WASF3: variants seen among roughly 807,000 people sequenced by gnomAD.
WASF3 encodes actin-binding protein WASF3.
Under a neutral mutation model 46.6 loss-of-function variants are expected in WASF3, and 11 were observed. The ratio of observed to expected loss-of-function variants is 0.24; its 90% confidence interval spans 0.15 to 0.39. The LOEUF (loss-of-function observed/expected upper bound fraction) is 0.39. Ranked by LOEUF, WASF3 falls within the 10% of genes least tolerant of loss-of-function variation. The pLI is 1.00. For synonymous variants in WASF3, 242 were observed against 259.7 expected, an observed-to-expected ratio of 0.93 and a Z score of 0.65; for missense variants, 576 against 669.8, an observed-to-expected ratio of 0.86 and a Z score of 1.55.
intron 2 of WASF3, among the ~76,000 whole-genome samples, chr13:26,632,641 A>G (rs1381242588): frequency 1.3e-5 from 2 of 152,038 alleles, no homozygotes; most frequent in Non-Finnish European, 2.9e-5. Flanking sequence ...CTCTTTGTTT[A>G]TTGTGTCTCT....
intron 2 of WASF3, chr13:26,619,036 C>T (rs952443109): frequency 6.6e-6 from 1 of 152,092 alleles, no homozygotes; most frequent in African/African-American, 2.4e-5. Context: ...TTTAAATGTA[C>T]ATCTTTTTCA....
At chr13:26,555,415 T>A (rs1304946543), upstream of WASF3, among the ~76,000 whole-genome samples, 2 of 152,224 alleles carry the variant, frequency 1.3e-5, no homozygotes, top group African/African-American at 4.8e-5. Context: ...AAAACTCTAA[T>A]ATTCCTCCAG....
At chr13:26,596,104 A>G (rs1195720519) in intron 1 of WASF3, among the ~76,000 whole-genome samples, 2 of 122,818 alleles carry the variant, frequency 1.6e-5, no homozygotes, top group African/African-American at 6.1e-5. Flanking sequence ...AGCAGTGTGT[A>G]AGTGATCCTT....
rs148603085 is a variant in WASF3, at chr13:26,686,158, A to G, written c.*313A>G. 1.4e-4 allele frequency: 39 copies of G among 275,266 alleles called. No individual in the cohort carries two copies. The highest frequency in any genetic ancestry group is 5.5e-4 in the Admixed American group (12 of 21,958). 17.1% of individuals were successfully genotyped at this position (275,266 alleles called of 1,614,324 possible). On this transcript the variant is annotated 3_prime_UTR_variant, in exon 10 of 10. Transcript: ENST00000335327. ...AGTTTGGGTTTACTCTTACTGATCA[A>G]TATAACTCTGCAGACTTGCTGTGTG...
intron 2 of WASF3, among the ~76,000 whole-genome samples, chr13:26,614,105 GA>G (rs1208068362): frequency 6.6e-6 from 1 of 152,096 alleles, no homozygotes; most frequent in Non-Finnish European, 1.5e-5. Context: ...GATAGGGAGA[GA>G]ATAACACGTC....
chr13:26,666,850 C>G (rs1882787638), intron 4 of WASF3, among the ~76,000 whole-genome samples: 1 of 101,362 alleles, frequency 9.9e-6, no homozygotes, highest in Non-Finnish European at 1.8e-5. Context: ...GCCTGGGTTA[C>G]AGAGCAAGAC....
intron 1 of WASF3, among the ~76,000 whole-genome samples, chr13:26,561,752 A>C (rs917113776): frequency 1.3e-5 from 2 of 152,120 alleles, no homozygotes; most frequent in Non-Finnish European, 2.9e-5. Flanking sequence ...TCTAGATTAG[A>C]TTGCACTCCA....
chr13:26,573,904 T>G (rs555766443), intron 1 of WASF3, among the ~76,000 whole-genome samples: 22 of 152,288 alleles, frequency 1.4e-4, no homozygotes, highest in Admixed American at 2.6e-4. Flanking sequence ...TTTACAGAAA[T>G]AAATCATTAT....
intron 1 of WASF3, among the ~76,000 whole-genome samples, chr13:26,562,581 A>C (rs1250574296): frequency 6.6e-6 from 1 of 152,128 alleles, no homozygotes; most frequent in Non-Finnish European, 1.5e-5. Flanking sequence ...GCATGTTTAA[A>C]TGCTGGTAAA....
chr13:26,603,439 A>G (rs1880700196), intron 1 of WASF3, among the ~76,000 whole-genome samples: 1 of 152,236 alleles, frequency 6.6e-6, no homozygotes, highest in South Asian at 2.1e-4. Flanking sequence ...AGGAGGCAAT[A>G]GGAAGTCAGA....
At chr13:26,631,878 C>G (rs142624838) in intron 2 of WASF3, among the ~76,000 whole-genome samples, 3,132 of 152,214 alleles carry the variant, frequency 0.021, 109 homozygotes, top group African/African-American at 0.072. Flanking sequence ...TCCTTGAAGA[C>G]GTCCTTCACG....
chr13:26,661,581 G>T (rs1882632081), intron 3 of WASF3, among the ~76,000 whole-genome samples: 1 of 152,138 alleles, frequency 6.6e-6, no homozygotes, highest in African/African-American at 2.4e-5. Context: ...GTGAACATAG[G>T]TATGCAAATG....
intron 2 of WASF3, among the ~76,000 whole-genome samples, chr13:26,628,351 C>T (rs1881536861): frequency 6.6e-6 from 1 of 152,176 alleles, no homozygotes; most frequent in African/African-American, 2.4e-5. Context: ...CAACCCCCTA[C>T]CCCCACCATG....
intron 3 of WASF3, among the ~76,000 whole-genome samples, chr13:26,661,370 A>G (rs1882626043): frequency 6.6e-6 from 1 of 152,170 alleles, no homozygotes; most frequent in Non-Finnish European, 1.5e-5. Context: ...ATCGTACAGT[A>G]TTTGTCTTTT....
chr13:26,573,767 G>T (rs1279411793), intron 1 of WASF3, among the ~76,000 whole-genome samples: 1 of 152,140 alleles, frequency 6.6e-6, no homozygotes, highest in Non-Finnish European at 1.5e-5. Context: ...ATTCATCCAT[G>T]AAACCAGTAC....
upstream of WASF3, among the ~76,000 whole-genome samples, chr13:26,553,409 G>A (rs551761205): frequency 1.1e-4 from 16 of 151,978 alleles, no homozygotes; most frequent in Admixed American, 9.2e-4. Flanking sequence ...GGCTATGCAC[G>A]GCTCTGCTTG....
intron 1 of WASF3, among the ~76,000 whole-genome samples, chr13:26,558,539 C>G (rs906358705): frequency 6.7e-6 from 1 of 149,880 alleles, no homozygotes; most frequent in African/African-American, 2.4e-5. Context: ...TGGGCTTTAG[C>G]GAGGGCAGAA....
intron 1 of WASF3, 43 bp from the exon 2 acceptor site, chr13:26,612,918 C>G (rs192799714): frequency 2.0e-4 from 30 of 152,224 alleles, no homozygotes; most frequent in African/African-American, 7.2e-4. Flanking sequence ...GACTTGAATG[C>G]ATTTTGCCTA....
At position 26,671,981 on chromosome 13, in the gene WASF3, C is replaced by T; in HGVS notation, c.532C>T (p.Arg178Cys). ...DTEDKRKEKR[R>C]QKEQKRIDGT... ...AGAAGACAAAAGGAAAGAGAAAAGG[C>T]GTCAAAAGGTAAATAATTTCAGTAT... is the stretch of plus-strand genomic sequence containing the variant. The change falls in exon 6 of 10, where the codon CGT becomes TGT. Residue 178 changes from arginine to cysteine, a missense_variant. Transcript: ENST00000335327. 2 of 1,600,458 alleles carry T rather than the reference C, an allele frequency of 1.2e-6. No homozygotes were observed. The highest frequency in any genetic ancestry group is 1.7e-6 in the Non-Finnish European group (2 of 1,172,684).
Sources: allele counts gnomAD v4.1 joint callset (sites outside exome capture counted in the v4.1 genomes callset), GRCh38; gene constraint gnomAD v4.1.1; transcripts MANE v1.5; gene names NCBI Gene and HGNC (gene_info 2026-07-23, HGNC 2026-07-21).